The following PDE4D variants were observed in gnomAD, a reference collection of about 807,000 sequenced individuals.
PDE4D encodes 3',5'-cyclic-AMP phosphodiesterase 4D.
A neutral mutation model predicts 87.4 loss-of-function variants in PDE4D; 24 were observed. The ratio of observed to expected loss-of-function variants is 0.27; its 90% CI spans 0.20 to 0.39. The LOEUF is 0.39. Ranked by LOEUF, PDE4D falls within the 10% of genes least tolerant of loss-of-function variation. The pLI is 1.00. For synonymous variants in PDE4D, 384 were observed against 383.2 expected, an observed-to-expected ratio of 1.00 and a Z score of -0.02; for missense variants, 714 against 1,041.0, an observed-to-expected ratio of 0.69 and a Z score of 4.32.
At chr5:59,195,196 T>C (rs1745187122) in intron 2 of PDE4D, among the ~76,000 whole-genome samples, 2 of 152,280 alleles carry the variant, frequency 1.3e-5, no homozygotes, top group South Asian at 4.1e-4. Context: ...TATTCTGTTA[T>C]AGCAACAGAA....
At chr5:59,137,598 C>A (rs1324580433) in intron 5 of PDE4D, among the ~76,000 whole-genome samples, 1 of 151,308 alleles carries the variant, frequency 6.6e-6, no homozygotes, top group African/African-American at 2.4e-5. Context: ...GAGATCTCAG[C>A]TCGCTGCAAG....
At chr5:59,573,997 C>CAAAAAA (rs11437091) in intron 1 of PDE4D, among the ~76,000 whole-genome samples, 119 of 86,974 alleles carry the variant, frequency 1.4e-3, no homozygotes, top group African/African-American at 6.7e-3. Flanking sequence ...GACTCTGTCT[C>CAAAAAA]AAAAAAAAAT....
intron 2 of PDE4D, among the ~76,000 whole-genome samples, chr5:60,082,422 T>A (rs1364938087): frequency 6.6e-6 from 1 of 152,082 alleles, no homozygotes; most frequent in Non-Finnish European, 1.5e-5. Flanking sequence ...AACTGTGAGA[T>A]AAATGTTTGT....
At chr5:60,172,133 AAT>A (rs553517664) in intron 2 of PDE4D, among the ~76,000 whole-genome samples, 6 of 146,418 alleles carry the variant, frequency 4.1e-5, no homozygotes, top group East Asian at 2.0e-4. Context: ...TATATAATAT[AAT>A]ATATATATAT....
In PDE4D at chr5:59,356,948, C is replaced by T. The variant is rs1562023293; in HGVS notation, c.456-140980G>A. On this transcript the variant is annotated intron_variant, in intron 1 of 14. Transcript: ENST00000340635. ...CGCACGGAGCAGGAGGCACTTGTAGCTGAGTGAGGGCATTTCCTTTGTGCA... is the reference window on the plus strand; with the variant it reads ...CGCACGGAGCAGGAGGCACTTGTAGTTGAGTGAGGGCATTTCCTTTGTGCA... 6.6e-6 allele frequency: 9 copies of T among 1,373,488 alleles called. No homozygotes were observed. The Admixed American group carries it at 1.1e-4, about 17-fold the overall frequency. The allele number at this position is 1,373,488 out of a possible 1,614,324, so 85.1% of individuals were successfully genotyped here.
chr5:60,101,429 T>C lies in PDE4D; in HGVS notation c.42+84128A>G, dbSNP rs1173811785. Among the ~76,000 whole-genome samples the C allele has an allele frequency of 2.6e-5, 4 of 152,124 alleles. No individual in the cohort carries two copies. The East Asian group carries it at 7.7e-4, about 29-fold the overall frequency. On this transcript the variant is annotated intron_variant, in intron 2 of 16. Transcript: ENST00000502484. The stretch of plus-strand genomic sequence containing the variant: ...TTATATTCATTTATTTATTTACCAA[T>C]GGCCAAGCATTATGCTCTAGTCTAA...
chr5:59,095,921 T>G (rs1171815487), intron 5 of PDE4D, among the ~76,000 whole-genome samples: 1 of 152,248 alleles, frequency 6.6e-6, no homozygotes, highest in Non-Finnish European at 1.5e-5. Flanking sequence ...TTGATGAGGA[T>G]AGATTGCTTT....
chr5:59,933,312 T>C (rs546276211), intron 3 of PDE4D, among the ~76,000 whole-genome samples: 1 of 152,362 alleles, frequency 6.6e-6, no homozygotes, highest in South Asian at 2.1e-4. Context: ...CGTGATTTCC[T>C]ATCTCTGTTC....
intron 1 of PDE4D, among the ~76,000 whole-genome samples, chr5:60,386,374 T>G (rs1295031889): frequency 6.6e-6 from 1 of 152,248 alleles, no homozygotes; most frequent in Non-Finnish European, 1.5e-5. Flanking sequence ...ATGGATTTAA[T>G]ACATTCATGG....
At chr5:59,200,334 T>G (rs570696138) in intron 2 of PDE4D, among the ~76,000 whole-genome samples, 1 of 120,722 alleles carries the variant, frequency 8.3e-6, no homozygotes, top group African/African-American at 3.7e-5. Flanking sequence ...TACACGTGTA[T>G]GTACAGCTAC....
At chr5:60,421,911 A>G (rs1743141284) in intron 1 of PDE4D, among the ~76,000 whole-genome samples, 1 of 152,224 alleles carries the variant, frequency 6.6e-6, no homozygotes, top group African/African-American at 2.4e-5. Context: ...AAGCTTCAAT[A>G]GCCTGTTAGA....
At chr5:60,102,619 T>C (rs1000443128) in intron 2 of PDE4D, among the ~76,000 whole-genome samples, 1 of 152,094 alleles carries the variant, frequency 6.6e-6, no homozygotes, top group African/African-American at 2.4e-5. Flanking sequence ...AATAGTAACA[T>C]TATTCACACT....
At chr5:59,986,694 T>A (rs968214465) in intron 3 of PDE4D, 1 of 152,174 alleles carries the variant, frequency 6.6e-6, no homozygotes, top group African/African-American at 2.4e-5. Context: ...CTTTCAGGAG[T>A]GATCCACCAT....
chr5:59,387,623 C>T (rs1276675553), intron 1 of PDE4D, among the ~76,000 whole-genome samples: 1 of 151,728 alleles, frequency 6.6e-6, no homozygotes, highest in Non-Finnish European at 1.5e-5. Context: ...CTTCATTAAC[C>T]CAAGGCTAAG....
intron 1 of PDE4D, among the ~76,000 whole-genome samples, chr5:60,305,569 G>C (rs1286144760): frequency 2.6e-5 from 4 of 151,536 alleles, no homozygotes; most frequent in Admixed American, 6.6e-5. Flanking sequence ...CTGATCTCAG[G>C]AAAATGGGTG....
chr5:59,698,842 A>T (rs1752175562), intron 1 of PDE4D, among the ~76,000 whole-genome samples: 1 of 152,186 alleles, frequency 6.6e-6, no homozygotes, highest in Admixed American at 6.5e-5. Flanking sequence ...GTGATCACAG[A>T]TCTATATAAG....
intron 1 of PDE4D, among the ~76,000 whole-genome samples, chr5:59,841,227 T>C (rs1289813643): frequency 6.6e-6 from 1 of 152,104 alleles, no homozygotes; most frequent in Non-Finnish European, 1.5e-5. Context: ...TCTCTCATTC[T>C]GCTTCTTGAA....
At chr5:60,088,414 C>T (rs1266038722) in intron 2 of PDE4D, among the ~76,000 whole-genome samples, 4 of 151,508 alleles carry the variant, frequency 2.6e-5, no homozygotes, top group Admixed American at 1.3e-4. Flanking sequence ...AATTTATATC[C>T]TAAGTATGAA....
chr5:58,998,506 A>C (rs1201339385), intron 6 of PDE4D, among the ~76,000 whole-genome samples: 1 of 152,186 alleles, frequency 6.6e-6, no homozygotes, highest in Non-Finnish European at 1.5e-5. Context: ...AACATTTTTA[A>C]AAATCTGAAT....
Sources: allele counts gnomAD v4.1 joint callset (sites outside exome capture counted in the v4.1 genomes callset), GRCh38; gene constraint gnomAD v4.1.1; transcripts MANE v1.5; gene names NCBI Gene and HGNC (gene_info 2026-07-23, HGNC 2026-07-21).